RASEF: variants seen among roughly 807,000 people sequenced by gnomAD.
RASEF encodes RAS and EF-hand domain containing, also known as ras and EF-hand domain-containing protein.
In RASEF, 68 loss-of-function variants were observed where a neutral mutation model predicts 90.1. The observed-to-expected ratio is 0.75, with a 90% CI of 0.62 to 0.92. RASEF has a LOEUF of 0.92. RASEF is among the 40% of genes least tolerant of loss of function. RASEF has a pLI of 0.00. For synonymous variants in RASEF, 331 were observed against 345.2 expected (o/e 0.96, Z 0.46); for missense variants, 949 against 937.2 (o/e 1.01, Z -0.16).
chr9:83,155,318 T>G, the RASEF span, among the ~76,000 whole-genome samples: 2 of 152,144 alleles, frequency 1.3e-5, no homozygotes, highest in Non-Finnish European at 2.9e-5. Flanking sequence ...TACCCAAGAC[T>G]GGGTAATCTA....
the RASEF span, among the ~76,000 whole-genome samples, chr9:83,187,038 G>C: frequency 1.1e-4 from 16 of 152,148 alleles, no homozygotes; most frequent in African/African-American, 3.9e-4. Context: ...TCATCCCAGG[G>C]CCAGGCACCA....
At chr9:83,038,242 G>A (rs1378923684) in intron 1 of RASEF, among the ~76,000 whole-genome samples, 2 of 152,048 alleles carry the variant, frequency 1.3e-5, no homozygotes, top group Non-Finnish European at 2.9e-5. Context: ...TGTGACAATC[G>A]TGGACTGAAT....
the RASEF span, among the ~76,000 whole-genome samples, chr9:83,076,047 AATC>A: frequency 1.3e-5 from 2 of 152,056 alleles, no homozygotes; most frequent in Non-Finnish European, 2.9e-5. Context: ...ACGTGCCTGT[AATC>A]CCAGCTACTC....
the RASEF span, among the ~76,000 whole-genome samples, chr9:83,197,350 G>A: frequency 6.6e-6 from 1 of 152,214 alleles, no homozygotes; most frequent in East Asian, 1.9e-4. Context: ...TTACTTCAGG[G>A]AACAACAACG....
intron 16 of RASEF, among the ~76,000 whole-genome samples, chr9:82,983,365 G>A (rs1033573534): frequency 6.6e-6 from 1 of 152,082 alleles, no homozygotes; most frequent in African/African-American, 2.4e-5. Context: ...TTCTGTCATC[G>A]TAAGCTTCTT....
chr9:83,134,783 C>T, the RASEF span, among the ~76,000 whole-genome samples: 1 of 151,990 alleles, frequency 6.6e-6, no homozygotes, highest in East Asian at 1.9e-4. Context: ...TGAAAATAAA[C>T]ACATGTCTAC....
At chr9:83,030,195 A>G (rs1829619830) in intron 1 of RASEF, among the ~76,000 whole-genome samples, 1 of 152,066 alleles carries the variant, frequency 6.6e-6, no homozygotes, top group Admixed American at 6.6e-5. Flanking sequence ...TATCTCTACT[A>G]AAAATACAGA....
chr9:83,198,753 G>A, the RASEF span, among the ~76,000 whole-genome samples: 5 of 152,260 alleles, frequency 3.3e-5, no homozygotes, highest in South Asian at 1.0e-3. Flanking sequence ...AGAGATGCAG[G>A]AGACAAAGCC....
the RASEF span, among the ~76,000 whole-genome samples, chr9:83,203,971 C>T: frequency 6.6e-6 from 1 of 152,342 alleles, no homozygotes; most frequent in East Asian, 1.9e-4. Context: ...GTTTGAAAAA[C>T]TCATTTTGAT....
intron 1 of RASEF, among the ~76,000 whole-genome samples, chr9:83,050,006 GTGCA>G (rs1830013625): frequency 1.1e-4 from 1 of 8,754 alleles, no homozygotes; most frequent in Admixed American, 1.0e-3. Context: ...AAACATACGT[GTGCA>G]TGTGTCTTTA....
the RASEF span, among the ~76,000 whole-genome samples, chr9:83,166,049 A>G: frequency 5.1e-4 from 77 of 152,292 alleles, no homozygotes; most frequent in African/African-American, 1.7e-3. Flanking sequence ...CTTCAGGTCA[A>G]GATGGGTTTA....
chr9:83,013,395 G>A (rs192250849), intron 4 of RASEF, among the ~76,000 whole-genome samples: 1 of 152,288 alleles, frequency 6.6e-6, no homozygotes, highest in East Asian at 1.9e-4. Context: ...AAGGGATAGT[G>A]TTTACATAAC....
intron 6 of RASEF, among the ~76,000 whole-genome samples, chr9:83,008,977 T>C (rs1479666071): frequency 1.5e-5 from 2 of 129,180 alleles, no homozygotes; most frequent in African/African-American, 5.7e-5. Context: ...ATATATATAC[T>C]CTCCACTCAT....
chr9:83,000,591 G>A, intron 10 of RASEF, 21 bp from the exon 11 acceptor site: 1 of 1,572,854 alleles, frequency 6.4e-7, no homozygotes, highest in Non-Finnish European at 8.6e-7. Flanking sequence ...TAAAATGTCA[G>A]CAGTTAAATT....
chr9:83,052,767 G>A (rs1182253015), intron 1 of RASEF, among the ~76,000 whole-genome samples: 2 of 86,988 alleles, frequency 2.3e-5, no homozygotes, highest in Non-Finnish European at 4.2e-5. Context: ...TGGTTTCAAA[G>A]AACATCTTTA....
the RASEF span, among the ~76,000 whole-genome samples, chr9:83,198,690 T>G: frequency 2.0e-5 from 3 of 152,086 alleles, no homozygotes; most frequent in African/African-American, 4.8e-5. Flanking sequence ...AAACAGAACT[T>G]GTTTCGCTCT....
chr9:83,158,201 A>G, the RASEF span, among the ~76,000 whole-genome samples: 1 of 152,156 alleles, frequency 6.6e-6, no homozygotes, highest in East Asian at 1.9e-4. Flanking sequence ...TTCAATAAGG[A>G]TTATTTTCTT....
chr9:83,091,392 A>G, the RASEF span, among the ~76,000 whole-genome samples: 17,460 of 152,034 alleles, frequency 0.11, 1,266 homozygotes, highest in East Asian at 0.26. Context: ...CATCTCTACT[A>G]AAAATACAAA....
At chr9:83,057,588 G>A (rs550637865) in intron 1 of RASEF, among the ~76,000 whole-genome samples, 1 of 152,174 alleles carries the variant, frequency 6.6e-6, no homozygotes, top group South Asian at 2.1e-4. Context: ...TCCAGAAAAG[G>A]TAAAGAAACT....
Sources: gnomAD v4.1 joint callset for allele counts (sites outside exome capture counted in the v4.1 genomes callset) on GRCh38, gnomAD v4.1.1 for gene constraint, MANE v1.5 for transcripts, NCBI Gene and HGNC (gene_info 2026-07-23, HGNC 2026-07-21) for gene names.